ALK: variants seen among roughly 807,000 people sequenced by gnomAD.
ALK encodes ALK receptor tyrosine kinase, also known as ALK tyrosine kinase receptor.
A neutral mutation model predicts 163.1 loss-of-function variants in ALK; 74 were observed. The observed-to-expected ratio is 0.45, with a 90% CI of 0.38 to 0.55. The LOEUF (loss-of-function observed/expected upper bound fraction) is 0.55, where lower values mean the gene tolerates loss of function less well. Ranked by LOEUF, ALK falls within the 20% of genes least tolerant of loss-of-function variation. The pLI is 0.00. For synonymous variants in ALK, 960 were observed against 843.2 expected (o/e 1.14, Z -2.40); for missense variants, 2,063 against 2,105.3 (o/e 0.98, Z 0.39).
intron 4 of ALK, among the ~76,000 whole-genome samples, chr2:29,437,737 T>C (rs912724045): frequency 6.6e-6 from 1 of 152,166 alleles, no homozygotes; most frequent in Non-Finnish European, 1.5e-5. Context: ...AATTCCATAA[T>C]AGGTTCTTTC....
intron 3 of ALK, among the ~76,000 whole-genome samples, chr2:29,595,165 A>C (rs932632486): frequency 6.6e-6 from 1 of 152,080 alleles, no homozygotes; most frequent in African/African-American, 2.4e-5. Context: ...CAATATTAGG[A>C]AATATTAAGA....
At chr2:29,865,725 G>A (rs1666418992) in intron 1 of ALK, among the ~76,000 whole-genome samples, 1 of 152,222 alleles carries the variant, frequency 6.6e-6, no homozygotes, top group African/African-American at 2.4e-5. Context: ...CAAGGAAACT[G>A]AAAGTTGAAA....
intron 1 of ALK, among the ~76,000 whole-genome samples, chr2:29,836,622 C>A (rs1665568673): frequency 6.6e-6 from 1 of 152,218 alleles, no homozygotes; most frequent in Non-Finnish European, 1.5e-5. Flanking sequence ...TAAGGAAGAA[C>A]TTCACTAATG....
intron 1 of ALK, among the ~76,000 whole-genome samples, chr2:29,847,688 A>G (rs1420816327): frequency 2.0e-5 from 3 of 152,146 alleles, no homozygotes; most frequent in Non-Finnish European, 4.4e-5. Flanking sequence ...TCTGAAGCCA[A>G]AGAATGGCAT....
chr2:29,851,906 C>A (rs1264961686), intron 1 of ALK, among the ~76,000 whole-genome samples: 2 of 152,180 alleles, frequency 1.3e-5, no homozygotes, highest in African/African-American at 4.8e-5. Context: ...AGCCAAGATG[C>A]AGAATGTCCA....
intron 23 of ALK, among the ~76,000 whole-genome samples, chr2:29,218,601 C>A (rs1669702813): frequency 6.6e-6 from 1 of 152,180 alleles, no homozygotes; most frequent in Non-Finnish European, 1.5e-5. Flanking sequence ...TAGAGACACA[C>A]CACTCCTCAC....
At chr2:29,551,360 A>G (rs1298193991) in intron 3 of ALK, among the ~76,000 whole-genome samples, 1 of 152,146 alleles carries the variant, frequency 6.6e-6, no homozygotes, top group Non-Finnish European at 1.5e-5. Flanking sequence ...TTAAATATTA[A>G]TAACAATAGC....
rs2148183499 is a variant in ALK at position 29,232,459 on chromosome 2, G to A, written c.2488-11C>T. Reference sequence around the variant, plus strand: ...CACTCCATCCTTCATCTGACCAGGGGAGACATTCAGACATTGAGAAACCGA... The same window carrying A: ...CACTCCATCCTTCATCTGACCAGGGAAGACATTCAGACATTGAGAAACCGA... On this transcript the variant is annotated splice_polypyrimidine_tract_variant and intron_variant, in intron 14 of 28. Transcript: ENST00000389048. 1 of 1,614,212 alleles carries A rather than the reference G, an allele frequency of 6.2e-7. No homozygotes were observed. Among genetic ancestry groups the A allele is most frequent in the Non-Finnish European group, 8.5e-7 (1 of 1,180,034 alleles).
At chr2:29,621,999 A>G (rs926808054) in intron 3 of ALK, among the ~76,000 whole-genome samples, 3 of 152,178 alleles carry the variant, frequency 2.0e-5, no homozygotes, top group Admixed American at 6.5e-5. Context: ...TGCCCACCTC[A>G]CTATGCTGCC....
intron 1 of ALK, among the ~76,000 whole-genome samples, chr2:29,739,086 T>C (rs1679974476): frequency 6.6e-6 from 1 of 151,078 alleles, no homozygotes; most frequent in Non-Finnish European, 1.5e-5. Flanking sequence ...AAAAATTTTT[T>C]AAAATAGCCA....
At chr2:29,719,861 C>T (rs1679374234) in intron 1 of ALK, among the ~76,000 whole-genome samples, 1 of 152,162 alleles carries the variant, frequency 6.6e-6, no homozygotes, top group South Asian at 2.1e-4. Context: ...GAGGCCACCA[C>T]TGAGCATGCT....
chr2:29,920,951 C>A lies in ALK; in HGVS notation c.-292G>T, dbSNP rs578166431. On this transcript the variant is annotated 5_prime_UTR_variant, in exon 1 of 29. Coordinates refer to ENST00000389048, the MANE Select transcript of ALK (RefSeq NM_004304.5). Reference sequence around the variant, plus strand: ...CCCGCTCTCCGCGCCGAGTGCCGCGCCCCCGTCTGTAGCTCGCTGCGCTCG... The same window carrying A: ...CCCGCTCTCCGCGCCGAGTGCCGCGACCCCGTCTGTAGCTCGCTGCGCTCG... The A allele has an allele frequency of 2.0e-6, 1 of 495,296 alleles. No homozygotes were observed. Among genetic ancestry groups the A allele is most frequent in the Non-Finnish European group, 3.6e-6 (1 of 275,988 alleles). The allele number at this position is 495,296 out of a possible 1,614,324, so 30.7% of individuals were successfully genotyped here.
At chr2:29,443,741 C>G (rs1242569165) in intron 4 of ALK, among the ~76,000 whole-genome samples, 1 of 152,128 alleles carries the variant, frequency 6.6e-6, no homozygotes, top group Non-Finnish European at 1.5e-5. Context: ...ATAACTGGAG[C>G]TCAGGGCCCA....
rs556457062 is a variant in ALK, at chr2:29,828,954, G to A, written c.667+91039C>T. ...TGATAGACTGGATTAAGAAAATGTG[G>A]CACATATACACCATGGAATACTATG... On this transcript the variant is annotated intron_variant, in intron 1 of 28. Coordinates refer to ENST00000389048, the MANE Select transcript of ALK (RefSeq NM_004304.5). Among the ~76,000 whole-genome samples, 1,010 of 152,006 alleles carry A rather than the reference G, an allele frequency of 6.6e-3. 8 individuals carry two copies. The highest frequency in any genetic ancestry group is 0.011 in the Non-Finnish European group (718 of 67,978).
chr2:29,422,689 C>T (rs2148068178), intron 4 of ALK, among the ~76,000 whole-genome samples: 1 of 152,174 alleles, frequency 6.6e-6, no homozygotes, highest in East Asian at 1.9e-4. Context: ...ATAAGAAATG[C>T]CGGTGACATC....
intron 11 of ALK, among the ~76,000 whole-genome samples, chr2:29,251,524 G>A (rs527495930): frequency 1.8e-4 from 28 of 152,316 alleles, no homozygotes; most frequent in Non-Finnish European, 3.5e-4. Flanking sequence ...CAGCTTACAG[G>A]CTACTATGAG....
intron 1 of ALK, among the ~76,000 whole-genome samples, chr2:29,908,853 A>C (rs1236824466): frequency 6.6e-6 from 1 of 152,226 alleles, no homozygotes; most frequent in Non-Finnish European, 1.5e-5. Flanking sequence ...GTTATTTATT[A>C]GCATACTTTG....
At chr2:29,685,846 T>C (rs1334702637) in intron 3 of ALK, among the ~76,000 whole-genome samples, 1 of 152,220 alleles carries the variant, frequency 6.6e-6, no homozygotes, top group Non-Finnish European at 1.5e-5. Context: ...GGTAGAATCC[T>C]TGTCCTCTTC....
chr2:29,424,761 G>C (rs1464025005), intron 4 of ALK, among the ~76,000 whole-genome samples: 1 of 152,188 alleles, frequency 6.6e-6, no homozygotes, highest in African/African-American at 2.4e-5. Flanking sequence ...ATGGAGTTGA[G>C]AGAAAGACAC....
Sources: gnomAD v4.1 joint callset for allele counts (sites outside exome capture counted in the v4.1 genomes callset) on GRCh38, gnomAD v4.1.1 for gene constraint, MANE v1.5 for transcripts, NCBI Gene and HGNC (gene_info 2026-07-23, HGNC 2026-07-21) for gene names.